Variants in SP110 observed in about 807,000 individuals in gnomAD.
The protein encoded by SP110 is SP110 nuclear body protein, also known as interferon-induced protein 41, 30kD.
SP110 carries 62 observed loss-of-function variants against 92.7 expected under a neutral mutation model. The ratio of observed to expected loss-of-function variants is 0.67; its 90% confidence interval spans 0.55 to 0.83. The LOEUF is 0.83. Ranked by LOEUF, SP110 falls within the 40% of genes least tolerant of loss-of-function variation. The pLI is 0.00. For synonymous variants in SP110, 273 were observed against 305.3 expected, an observed-to-expected ratio of 0.89 and a Z score of 1.10; for missense variants, 793 against 863.9, an observed-to-expected ratio of 0.92 and a Z score of 1.03.
Position 230,169,004 on chromosome 2 carries a change from T to G in SP110, c.*120A>C. Reference sequence around the variant, plus strand: ...GGGTGTGATAATCCTATGAAGTGTCTGGGTTTGGGTCCTGAGGGCAGCCAA... The same window carrying G: ...GGGTGTGATAATCCTATGAAGTGTCGGGGTTTGGGTCCTGAGGGCAGCCAA... On this transcript the variant is annotated 3_prime_UTR_variant, in exon 19 of 19. Transcript: ENST00000258381. 2 of 764,700 alleles carry G rather than the reference T, an allele frequency of 2.6e-6. No homozygotes were observed. The highest frequency in any genetic ancestry group is 2.4e-6 in the Non-Finnish European group (1 of 416,426). 47.4% of individuals were successfully genotyped at this position (764,700 alleles called of 1,614,324 possible).
At chr2:230,182,561 C>A (rs1490855978) in intron 12 of SP110, among the ~76,000 whole-genome samples, 1 of 151,972 alleles carries the variant, frequency 6.6e-6, no homozygotes, top group African/African-American at 2.4e-5. Flanking sequence ...CTGGGAGGCC[C>A]ATGTGAGGAG....
At chr2:230,217,182 G>T (rs1266743358) in intron 1 of SP110, among the ~76,000 whole-genome samples, 3 of 144,646 alleles carry the variant, frequency 2.1e-5, no homozygotes, top group East Asian at 4.1e-4. Flanking sequence ...GGAGGTGGAG[G>T]TTGCAGTAAG....
At chr2:230,183,448 A>AT (rs2042214890) in intron 12 of SP110, 124 bp downstream of exon 12, 1 of 779,606 alleles carries the variant, frequency 1.3e-6, no homozygotes, top group Non-Finnish European at 2.3e-6. Context: ...GCTGGTACCC[A>AT]TGACGGTGGA....
intron 9 of SP110, 48 bp downstream of exon 9, chr2:230,202,531 C>A (rs752091011): frequency 6.3e-7 from 1 of 1,593,422 alleles, no homozygotes; most frequent in Admixed American, 1.7e-5. Flanking sequence ...CAGGAGAGAC[C>A]CTCCCACACT....
intron 16 of SP110, 122 bp downstream of exon 16, chr2:230,171,944 T>G: frequency 1.2e-6 from 1 of 842,050 alleles, no homozygotes; most frequent in South Asian, 1.3e-5. Flanking sequence ...GGGCATTAAA[T>G]CGTCATCCTT....
chr2:230,176,845 A>G lies in SP110; in HGVS notation c.1590+693T>C, dbSNP rs577504748. 1.7e-4 allele frequency: 174 copies of G among 1,053,640 alleles called. 1 individual carries two copies. In the East Asian group the frequency reaches 4.3e-3, roughly 26 times the overall value. The allele number at this position is 1,053,640 out of a possible 1,614,324, so 65.3% of individuals were successfully genotyped here. A position where few individuals can be genotyped will look rare whatever the true frequency, so the allele number is the denominator to read the frequency against. On this transcript the variant is annotated intron_variant, in intron 14 of 18. Coordinates refer to ENST00000258381, the MANE Select transcript of SP110 (RefSeq NM_080424.4). ...GACATCACACTGGATCTCAAACCCAAGAAGTCAAAAAGAAAAATTAGCTCC... is the reference window on the plus strand; with the variant it reads ...GACATCACACTGGATCTCAAACCCAGGAAGTCAAAAAGAAAAATTAGCTCC...
At chr2:230,179,602 G>A (rs796484721) in intron 12 of SP110, among the ~76,000 whole-genome samples, 13 of 148,090 alleles carry the variant, frequency 8.8e-5, no homozygotes, top group African/African-American at 2.8e-4. Flanking sequence ...GCTGCCGCAG[G>A]TTCCTAATGT....
intron 17 of SP110, 111 bp from the exon 18 acceptor site, chr2:230,170,872 T>G: frequency 8.9e-7 from 1 of 1,120,344 alleles, no homozygotes; most frequent in Middle Eastern, 2.4e-4. Context: ...GATAATACCA[T>G]TTGACCTCTT....
In SP110 at chr2:230,206,595, TTATATATATATATATATATATATATA is replaced by T. The variant is rs56817002; in HGVS notation, c.898+1370_898+1395del. Among the ~76,000 whole-genome samples, 57 of 70,530 alleles carry T rather than the reference TTATATATATATATATATATATATATA, an allele frequency of 8.1e-4. 3 individuals are homozygous for T. The highest frequency in any genetic ancestry group is 7.7e-3 in the Admixed American group (44 of 5,692). The allele number at this position is 70,530 out of a possible 152,430, so 46.3% of individuals were successfully genotyped here. On this transcript the variant is annotated intron_variant, in intron 8 of 18. Coordinates refer to ENST00000258381, the MANE Select transcript of SP110 (RefSeq NM_080424.4). ...TATTATATATTATCTGGTCCAGATT[TTATATATATATATATATATATATATA>T]TATATATATATATATATGGACCACA...
Position 230,182,644 on chromosome 2 carries a change from C to A in SP110, c.1348+928G>T, listed in dbSNP as rs536707830. ...GCTGTGAGGAATCAGGCTGGTGTGA[C>A]CCTAGAGACACGGGTAGGGGTGGTT... On this transcript the variant is annotated intron_variant, in intron 12 of 18. Coordinates refer to ENST00000258381, the MANE Select transcript of SP110 (RefSeq NM_080424.4). Among the ~76,000 whole-genome samples the A allele has an allele frequency of 4.5e-4, 68 of 152,076 alleles. 1 individual carries two copies. Among genetic ancestry groups the A allele is most frequent in the African/African-American group, 1.5e-3 (63 of 41,468 alleles).
upstream of SP110, among the ~76,000 whole-genome samples, chr2:230,220,316 T>C (rs1418996155): frequency 6.6e-6 from 1 of 152,186 alleles, no homozygotes; most frequent in African/African-American, 2.4e-5. Flanking sequence ...CATTTTAGGT[T>C]GATGAAAATG....
rs1470804023 is a variant in SP110 at position 230,184,492 on chromosome 2, C to A, written c.1280-852G>T. ...AAACATCCCATGACACACACGACAGCCTCCGAAGCAAAGAATTATTCAGTC... is the reference window on the plus strand; with the variant it reads ...AAACATCCCATGACACACACGACAGACTCCGAAGCAAAGAATTATTCAGTC... On this transcript the variant is annotated intron_variant, in intron 11 of 18. Coordinates refer to ENST00000258381, the MANE Select transcript of SP110 (RefSeq NM_080424.4). 5.3e-5 allele frequency among the ~76,000 whole-genome samples: 8 copies of A among 152,284 alleles called. No homozygotes were observed. The East Asian group carries it at 1.5e-3, about 29-fold the overall frequency.
rs923946324 is a variant in SP110 at position 230,168,743 on chromosome 2, A to C, written c.*381T>G. ...ATAGGACCAAAACCCTGAGTTCTTC[A>C]ATAAATACATGACAATTTATAGCTT... On this transcript the variant is annotated 3_prime_UTR_variant, in exon 19 of 19. Transcript: ENST00000258381. 3 of 176,702 alleles carry C rather than the reference A, an allele frequency of 1.7e-5. No individual in the cohort carries two copies. Among genetic ancestry groups the C allele is most frequent in the African/African-American group, 7.2e-5 (3 of 41,832 alleles). The allele number at this position is 176,702 out of a possible 1,614,324, so 10.9% of individuals were successfully genotyped here.
intron 2 of SP110, 36 bp downstream of exon 2, chr2:230,216,745 G>C (rs375723534): frequency 3.1e-6 from 5 of 1,612,218 alleles, no homozygotes; most frequent in Non-Finnish European, 4.2e-6. Flanking sequence ...TATTGGTGGG[G>C]GCTGGGCTGC....
At chr2:230,218,438 G>A (rs561750836) in intron 1 of SP110, among the ~76,000 whole-genome samples, 32 of 152,330 alleles carry the variant, frequency 2.1e-4, no homozygotes, top group Non-Finnish European at 2.9e-4. Context: ...GGAAGATAGA[G>A]AACAGATAGG....
At chr2:230,206,579 T>TA (rs2043831859) in intron 8 of SP110, among the ~76,000 whole-genome samples, 1 of 129,218 alleles carries the variant, frequency 7.7e-6, no homozygotes, top group Non-Finnish European at 1.6e-5. Context: ...ATATTATATA[T>TA]TATCTGGTCC....
chr2:230,203,281 T>C (rs1233277694), intron 8 of SP110: 1 of 162,012 alleles, frequency 6.2e-6, no homozygotes, highest in South Asian at 1.6e-4. Flanking sequence ...GGTGCAGAGG[T>C]GAGTTTGCTT....
rs200759635 is a variant in SP110 at position 230,211,603 on chromosome 2, C to A, written c.668-50G>T. 7 of 1,092,466 alleles carry A rather than the reference C, an allele frequency of 6.4e-6. No homozygotes were observed. Among genetic ancestry groups the A allele is most frequent in the Non-Finnish European group, 9.9e-6 (7 of 704,070 alleles). 67.7% of individuals were successfully genotyped at this position (1,092,466 alleles called of 1,614,324 possible). On this transcript the variant is annotated intron_variant, in intron 5 of 18. Coordinates refer to ENST00000258381, the MANE Select transcript of SP110 (RefSeq NM_080424.4). This position sits in a 1 kb window ranked among gnomAD's most constrained non-coding sequence, Gnocchi z 4.2. ...AGATCTCAGGAACAGCAAGCAGGGACCAGAATGAGGAGAAAAGAGAATGCT... is the reference window on the plus strand; with the variant it reads ...AGATCTCAGGAACAGCAAGCAGGGAACAGAATGAGGAGAAAAGAGAATGCT...
intron 13 of SP110, 83 bp from the exon 14 acceptor site, chr2:230,177,763 T>C (rs1337521364): frequency 1.4e-6 from 2 of 1,461,594 alleles, no homozygotes; most frequent in Non-Finnish European, 1.9e-6. Context: ...TGTGGCCTTC[T>C]ACCTTTCCAG....
Sources: allele counts gnomAD v4.1 joint callset (sites outside exome capture counted in the v4.1 genomes callset), GRCh38; gene constraint gnomAD v4.1.1; non-coding constraint Gnocchi (gnomAD v3.1); transcripts MANE v1.5; gene names NCBI Gene and HGNC (gene_info 2026-07-23, HGNC 2026-07-21).